XKR6: variants seen among roughly 807,000 people sequenced by gnomAD.
The protein encoded by XKR6 is XK-related protein 6.
XKR6 carries 22 observed loss-of-function variants against 56.7 expected under a neutral mutation model. The ratio of observed to expected loss-of-function variants is 0.39; its 90% confidence interval spans 0.28 to 0.55. The LOEUF (loss-of-function observed/expected upper bound fraction) is 0.55, where lower values mean the gene tolerates loss of function less well. Ranked by LOEUF, XKR6 falls within the 20% of genes least tolerant of loss-of-function variation. The pLI is 0.66. For missense variants in XKR6, 852 were observed against 889.0 expected, an observed-to-expected ratio of 0.96 and a Z score of 0.53; for synonymous variants, 524 against 387.8, an observed-to-expected ratio of 1.35 and a Z score of -4.13.
At chr8:10,975,722 A>C (rs1802534390) in intron 1 of XKR6, among the ~76,000 whole-genome samples, 1 of 152,166 alleles carries the variant, frequency 6.6e-6, no homozygotes, top group Admixed American at 6.5e-5. Context: ...CAGAATTCAA[A>C]TCCCAGCTCA....
intron 1 of XKR6, chr8:11,126,030 T>C (rs987738172): frequency 6.6e-6 from 1 of 152,332 alleles, no homozygotes. Flanking sequence ...CTATAACCTA[T>C]ACTTTGGCAG....
intron 1 of XKR6, among the ~76,000 whole-genome samples, chr8:11,198,088 C>G (rs11989439): frequency 6.6e-6 from 1 of 151,934 alleles, no homozygotes; most frequent in Non-Finnish European, 1.5e-5. Context: ...ATGTTTAAGG[C>G]AACAACTATA....
chr8:10,982,979 T>C (rs935950403), intron 1 of XKR6, among the ~76,000 whole-genome samples: 5 of 152,244 alleles, frequency 3.3e-5, no homozygotes, highest in African/African-American at 1.2e-4. Flanking sequence ...AAGCCTATTT[T>C]CTTATTTGTG....
intron 1 of XKR6, among the ~76,000 whole-genome samples, chr8:11,162,490 T>G (rs1801862309): frequency 6.6e-6 from 1 of 152,212 alleles, no homozygotes; most frequent in Non-Finnish European, 1.5e-5. Flanking sequence ...AAAAACTCTC[T>G]TTTTTAATTA....
chr8:11,158,727 G>C (rs1801646132), intron 1 of XKR6, among the ~76,000 whole-genome samples: 1 of 152,158 alleles, frequency 6.6e-6, no homozygotes, highest in Non-Finnish European at 1.5e-5. Flanking sequence ...GACAGGAATG[G>C]CAGGCTTCTA....
intron 1 of XKR6, among the ~76,000 whole-genome samples, chr8:11,037,228 A>G (rs1452291057): frequency 6.6e-6 from 1 of 152,148 alleles, no homozygotes. Flanking sequence ...AAGAATTTTA[A>G]TACTTTTTTC....
At chr8:10,909,308 C>G (rs767148248) in intron 2 of XKR6, among the ~76,000 whole-genome samples, 3 of 152,160 alleles carry the variant, frequency 2.0e-5, no homozygotes, top group Non-Finnish European at 2.9e-5. Flanking sequence ...AACCATGAGC[C>G]AAATACGCTT....
chr8:10,916,338 G>T (rs979396383), intron 2 of XKR6, among the ~76,000 whole-genome samples: 2 of 152,180 alleles, frequency 1.3e-5, no homozygotes, highest in Non-Finnish European at 2.9e-5. Context: ...CCCCTTTCTG[G>T]GTGGCAGCTT....
intron 1 of XKR6, among the ~76,000 whole-genome samples, chr8:10,976,640 C>G (rs1392484307): frequency 1.3e-5 from 2 of 152,166 alleles, no homozygotes; most frequent in Non-Finnish European, 1.5e-5. Context: ...AGTACAAAGT[C>G]CGTGATCCAG....
At chr8:10,991,116 C>A (rs923738702) in intron 1 of XKR6, among the ~76,000 whole-genome samples, 1 of 151,988 alleles carries the variant, frequency 6.6e-6, no homozygotes, top group South Asian at 2.1e-4. Context: ...GTTGGTCAGT[C>A]TAGTGTTGAA....
At chr8:10,994,083 C>T (rs1197658544) in intron 1 of XKR6, among the ~76,000 whole-genome samples, 1 of 152,180 alleles carries the variant, frequency 6.6e-6, no homozygotes, top group Non-Finnish European at 1.5e-5. Context: ...AGTCTTGCCA[C>T]CCCCTGAACA....
intron 1 of XKR6, among the ~76,000 whole-genome samples, chr8:11,140,791 G>A (rs1324537770): frequency 1.3e-5 from 2 of 151,774 alleles, no homozygotes; most frequent in African/African-American, 2.4e-5. Context: ...CCAGCTACTC[G>A]GGAGGCTGAG....
chr8:10,954,060 T>C (rs1422795178), intron 1 of XKR6, among the ~76,000 whole-genome samples: 1 of 152,256 alleles, frequency 6.6e-6, no homozygotes, highest in Non-Finnish European at 1.5e-5. Flanking sequence ...ATCACATTCA[T>C]CAGTTGATAG....
At chr8:10,997,720 G>C (rs1798146550) in intron 1 of XKR6, among the ~76,000 whole-genome samples, 1 of 152,080 alleles carries the variant, frequency 6.6e-6, no homozygotes, top group African/African-American at 2.4e-5. Context: ...AACTACTAGG[G>C]GGATTGGGTC....
At chr8:10,926,815 T>C (rs1220831516) in intron 1 of XKR6, among the ~76,000 whole-genome samples, 3 of 152,150 alleles carry the variant, frequency 2.0e-5, no homozygotes, top group Admixed American at 2.0e-4. Flanking sequence ...CCCCTGCCCG[T>C]GAGTTCACAA....
chr8:10,932,629 T>C (rs1210782901), intron 1 of XKR6, among the ~76,000 whole-genome samples: 2 of 133,744 alleles, frequency 1.5e-5, no homozygotes, highest in African/African-American at 2.9e-5. Flanking sequence ...CATGTGTCCA[T>C]GTGATCTCAC....
chr8:11,114,385 G>C (rs1464385950), intron 1 of XKR6, among the ~76,000 whole-genome samples: 2 of 152,136 alleles, frequency 1.3e-5, no homozygotes, highest in African/African-American at 2.4e-5. Flanking sequence ...ATTTGAGACA[G>C]AGTCTCACTC....
At chr8:10,972,689 T>C (rs965431404) in intron 1 of XKR6, among the ~76,000 whole-genome samples, 1 of 152,198 alleles carries the variant, frequency 6.6e-6, no homozygotes, top group South Asian at 2.1e-4. Flanking sequence ...TAGAACAGGC[T>C]TGCCAGGGGC....
chr8:10,966,843 C>T (rs1275905964), intron 1 of XKR6, among the ~76,000 whole-genome samples: 2 of 152,130 alleles, frequency 1.3e-5, no homozygotes, highest in Non-Finnish European at 2.9e-5. Context: ...TGGTCTAAAC[C>T]TTGGCCACCT....
Sources: gnomAD v4.1 joint callset for allele counts (sites outside exome capture counted in the v4.1 genomes callset) on GRCh38, gnomAD v4.1.1 for gene constraint, MANE v1.5 for transcripts, NCBI Gene and HGNC (gene_info 2026-07-23, HGNC 2026-07-21) for gene names.